The following HTR1F variants were observed in gnomAD, a reference collection of about 807,000 sequenced individuals.
HTR1F encodes the protein 5-hydroxytryptamine (serotonin) receptor 1F, G protein-coupled.
In HTR1F, 17 loss-of-function variants were observed where a neutral mutation model predicts 24.0. The ratio of observed to expected loss-of-function variants is 0.71; its 90% confidence interval spans 0.48 to 1.06. HTR1F has a LOEUF of 1.06. Among genes scored for constraint, HTR1F ranks in the 50% least tolerant of loss-of-function variants. The pLI, the probability that HTR1F is intolerant of heterozygous loss-of-function variation, is 0.00. For synonymous variants in HTR1F, 186 were observed against 156.8 expected, an observed-to-expected ratio of 1.19 and a Z score of -1.39; for missense variants, 391 against 427.8, an observed-to-expected ratio of 0.91 and a Z score of 0.76.
Position 87,796,338 on chromosome 3 carries a change from G to T in HTR1F, c.-160+3496G>T, listed in dbSNP as rs148086383. ...CACCAACTGATATGAGAAGACAAAG[G>T]AACAGTTACATTTTGAGCAGCTTAC... On this transcript the variant is annotated intron_variant, in intron 1 of 2. Transcript: ENST00000319595. Among the ~76,000 whole-genome samples the T allele has an allele frequency of 3.0e-4, 45 of 152,106 alleles. 1 individual carries two copies. The East Asian group carries it at 8.7e-3, about 29-fold the overall frequency.
At chr3:87,986,116 ATACT>A (rs1170333139) in intron 2 of HTR1F, among the ~76,000 whole-genome samples, 2 of 152,212 alleles carry the variant, frequency 1.3e-5, no homozygotes, top group African/African-American at 4.8e-5. Flanking sequence ...CATATGTAGC[ATACT>A]CTATGTCCAG....
chr3:87,815,182 T>G (rs1704227479), intron 1 of HTR1F, among the ~76,000 whole-genome samples: 1 of 151,980 alleles, frequency 6.6e-6, no homozygotes, highest in African/African-American at 2.4e-5. Flanking sequence ...GAAAATAACT[T>G]TGGGCTATAA....
chr3:87,805,403 T>C (rs1254284222), intron 1 of HTR1F, among the ~76,000 whole-genome samples: 2 of 152,150 alleles, frequency 1.3e-5, no homozygotes, highest in Non-Finnish European at 2.9e-5. Context: ...TTTAGATATT[T>C]CATGTTTGTC....
chr3:87,868,628 G>C lies in HTR1F; in HGVS notation c.-43+46504G>C, dbSNP rs151281085. On this transcript the variant is annotated intron_variant, in intron 2 of 2. Coordinates refer to ENST00000319595, the MANE Select transcript of HTR1F (RefSeq NM_001322209.2). ...AAATTAAAATATATATTTTAGATAA[G>C]AATTAAATAAAATGAAACTCCAAAA... Among the ~76,000 whole-genome samples, 1,236 of 151,716 alleles carry C rather than the reference G, an allele frequency of 8.1e-3. 26 individuals carry two copies. The highest frequency in any genetic ancestry group is 0.028 in the African/African-American group (1,172 of 41,496).
intron 2 of HTR1F, among the ~76,000 whole-genome samples, chr3:87,853,240 G>A (rs1705127980): frequency 6.6e-6 from 1 of 151,680 alleles, no homozygotes; most frequent in Admixed American, 6.6e-5. Context: ...CCACCCTCAA[G>A]TAGGGCCCAG....
At chr3:87,897,228 T>A (rs1706217663) in intron 2 of HTR1F, among the ~76,000 whole-genome samples, 1 of 131,724 alleles carries the variant, frequency 7.6e-6, no homozygotes, top group South Asian at 2.2e-4. Flanking sequence ...CATATATATA[T>A]AAATGTTTTA....
intron 2 of HTR1F, among the ~76,000 whole-genome samples, chr3:87,944,314 C>A (rs1223691962): frequency 6.6e-6 from 1 of 152,124 alleles, no homozygotes; most frequent in Admixed American, 6.5e-5. Context: ...ATGTAGGTAA[C>A]CTTTTGAGTC....
chr3:87,945,428 T>C (rs1332873888), intron 2 of HTR1F, among the ~76,000 whole-genome samples: 1 of 152,152 alleles, frequency 6.6e-6, no homozygotes, highest in African/African-American at 2.4e-5. Context: ...ATTTTGGGGC[T>C]ACACTTTCAA....
At chr3:87,931,473 A>C (rs1003025477) in intron 2 of HTR1F, among the ~76,000 whole-genome samples, 24 of 152,084 alleles carry the variant, frequency 1.6e-4, no homozygotes, top group African/African-American at 5.6e-4. Context: ...GTTGGTTCCA[A>C]GTCTTTGCTA....
intron 2 of HTR1F, among the ~76,000 whole-genome samples, chr3:87,987,108 AAAAATAAAAT>A (rs1705678589): frequency 8.0e-6 from 1 of 125,056 alleles, no homozygotes; most frequent in Non-Finnish European, 1.7e-5. Context: ...TCTGTCTCAA[AAAAATAAAAT>A]AAAAATAAAA....
intron 2 of HTR1F, among the ~76,000 whole-genome samples, chr3:87,919,392 G>A (rs1164540846): frequency 6.6e-6 from 1 of 151,954 alleles, no homozygotes; most frequent in Non-Finnish European, 1.5e-5. Flanking sequence ...TTAAACTAAA[G>A]AGCTTTTGCA....
chr3:87,894,857 G>A (rs1469229746), intron 2 of HTR1F, among the ~76,000 whole-genome samples: 6 of 151,954 alleles, frequency 3.9e-5, no homozygotes, highest in Non-Finnish European at 1.5e-5. Flanking sequence ...AAATAAGAAT[G>A]GCTACACAAA....
At chr3:87,938,195 C>CA (rs1182567562) in intron 2 of HTR1F, among the ~76,000 whole-genome samples, 1 of 151,484 alleles carries the variant, frequency 6.6e-6, no homozygotes, top group African/African-American at 2.4e-5. Context: ...TCACAATTGG[C>CA]AAAAAGGATA....
intron 2 of HTR1F, among the ~76,000 whole-genome samples, chr3:87,832,536 C>G (rs904137969): frequency 2.6e-5 from 4 of 152,160 alleles, no homozygotes; most frequent in African/African-American, 9.7e-5. Context: ...CCCTGTTGCC[C>G]AGGCTGGTCG....
intron 2 of HTR1F, among the ~76,000 whole-genome samples, chr3:87,969,827 C>T (rs1705248752): frequency 1.3e-5 from 2 of 152,170 alleles, no homozygotes; most frequent in East Asian, 3.9e-4. Context: ...TCTATATTTC[C>T]CACGTGTTGT....
chr3:87,979,473 G>T (rs1267160065), intron 2 of HTR1F, among the ~76,000 whole-genome samples: 2 of 152,150 alleles, frequency 1.3e-5, no homozygotes, highest in African/African-American at 4.8e-5. Flanking sequence ...TCATTCTGTT[G>T]ACTGTGGAGT....
intron 2 of HTR1F, among the ~76,000 whole-genome samples, chr3:87,902,718 A>C (rs1016702265): frequency 6.7e-6 from 1 of 149,814 alleles, no homozygotes; most frequent in Non-Finnish European, 1.5e-5. Flanking sequence ...ATTTAGCATT[A>C]GGTATATCTC....
chr3:87,926,144 A>G (rs912048260), intron 2 of HTR1F, among the ~76,000 whole-genome samples: 4 of 152,184 alleles, frequency 2.6e-5, no homozygotes, highest in Admixed American at 6.5e-5. Flanking sequence ...CATGCTTTTG[A>G]CATTACTGAA....
chr3:87,827,126 T>C (rs1704480971), intron 2 of HTR1F, among the ~76,000 whole-genome samples: 2 of 149,954 alleles, frequency 1.3e-5, no homozygotes, highest in East Asian at 1.9e-4. Context: ...TTTCTTTCTT[T>C]TTTTTTTTTT....
Sources: allele counts gnomAD v4.1 joint callset (sites outside exome capture counted in the v4.1 genomes callset), GRCh38; gene constraint gnomAD v4.1.1; transcripts MANE v1.5; gene names NCBI Gene and HGNC (gene_info 2026-07-23, HGNC 2026-07-21).